Variants in MAGI2 observed in about 807,000 individuals in gnomAD.
The protein encoded by MAGI2 is membrane-associated guanylate kinase, WW and PDZ domain-containing protein 2.
In MAGI2, 35 loss-of-function variants were observed where a neutral mutation model predicts 133.3. The observed-to-expected ratio is 0.26, with a 90% CI of 0.20 to 0.35. The LOEUF is 0.35. Ranked by LOEUF, MAGI2 falls within the 10% of genes least tolerant of loss-of-function variation. MAGI2 has a pLI of 1.00. For missense variants in MAGI2, 1,636 were observed against 1,863.4 expected, an observed-to-expected ratio of 0.88 and a Z score of 2.25; for synonymous variants, 729 against 710.6, an observed-to-expected ratio of 1.03 and a Z score of -0.41.
At chr7:78,323,615 T>G (rs1015436609) in intron 9 of MAGI2, among the ~76,000 whole-genome samples, 2 of 152,206 alleles carry the variant, frequency 1.3e-5, no homozygotes, top group Admixed American at 6.5e-5. Context: ...TAGGTTTAAT[T>G]TTTATGGTCA....
chr7:78,473,912 G>T (rs1320152584), intron 6 of MAGI2, among the ~76,000 whole-genome samples: 2 of 151,936 alleles, frequency 1.3e-5, no homozygotes, highest in African/African-American at 4.8e-5. Context: ...CGACTTCTCT[G>T]GTCAGATACC....
At chr7:79,138,892 C>T (rs565050862) in intron 1 of MAGI2, among the ~76,000 whole-genome samples, 7 of 145,850 alleles carry the variant, frequency 4.8e-5, no homozygotes, top group South Asian at 2.2e-4. Context: ...TGTAGAATGG[C>T]GTGAACCCGG....
At chr7:78,923,056 T>C (rs1172060681) in intron 2 of MAGI2, among the ~76,000 whole-genome samples, 2 of 152,226 alleles carry the variant, frequency 1.3e-5, no homozygotes, top group African/African-American at 2.4e-5. Flanking sequence ...TTTTTTCTTG[T>C]AAATTTGTTT....
intron 6 of MAGI2, among the ~76,000 whole-genome samples, chr7:78,373,923 A>G (rs1470169060): frequency 2.0e-5 from 3 of 152,188 alleles, no homozygotes; most frequent in Non-Finnish European, 4.4e-5. Context: ...TGCAAAGGAC[A>G]TGATTTTGTT....
chr7:79,429,933 T>C (rs978511202), intron 1 of MAGI2, among the ~76,000 whole-genome samples: 2 of 152,034 alleles, frequency 1.3e-5, no homozygotes, highest in Admixed American at 6.6e-5. Context: ...AAAATTCCAG[T>C]CACTTAAAAG....
intron 1 of MAGI2, among the ~76,000 whole-genome samples, chr7:79,037,352 C>T (rs1386294208): frequency 6.6e-6 from 1 of 152,026 alleles, no homozygotes. Context: ...TTCATGACTA[C>T]GTACTAGGAA....
chr7:78,235,446 C>T (rs564033874), intron 10 of MAGI2, among the ~76,000 whole-genome samples: 21 of 152,274 alleles, frequency 1.4e-4, no homozygotes, highest in African/African-American at 3.8e-4. Context: ...CTCCACGTGT[C>T]GTGGGAGGAA....
At chr7:78,021,696 C>G (rs1375048386) in intron 21 of MAGI2, among the ~76,000 whole-genome samples, 1 of 152,172 alleles carries the variant, frequency 6.6e-6, no homozygotes, top group Non-Finnish European at 1.5e-5. Flanking sequence ...TTCTTCCATA[C>G]ACTGATGTCC....
intron 1 of MAGI2, among the ~76,000 whole-genome samples, chr7:79,367,666 G>A (rs2527773): frequency 0.57 from 85,453 of 150,846 alleles, 27,369 homozygotes; most frequent in African/African-American, 0.87. Flanking sequence ...ACAGTACCTG[G>A]CATAAATATA....
In MAGI2 at chr7:78,323,601, T is replaced by C. The variant is rs547851108; in HGVS notation, c.1408+20177A>G. Among the ~76,000 whole-genome samples, 18 of 152,328 alleles carry C rather than the reference T, an allele frequency of 1.2e-4. No individual in the cohort carries two copies. The South Asian group carries it at 2.3e-3, about 19-fold the overall frequency. The stretch of plus-strand genomic sequence containing the variant: ...CCTGCTTCATTACGCTTAGTCTAAC[T>C]AGTTAGGTTTAATTTTTATGGTCAT... On this transcript the variant is annotated intron_variant, in intron 9 of 21. Coordinates refer to ENST00000354212, the MANE Select transcript of MAGI2 (RefSeq NM_012301.4).
intron 9 of MAGI2, among the ~76,000 whole-genome samples, chr7:78,270,972 T>C (rs968655867): frequency 3.3e-5 from 5 of 152,180 alleles, no homozygotes; most frequent in Non-Finnish European, 7.3e-5. Context: ...TCTTGCCTGA[T>C]TGCCCTGGCC....
intron 9 of MAGI2, among the ~76,000 whole-genome samples, chr7:78,318,405 G>A (rs1004470577): frequency 2.6e-5 from 4 of 152,102 alleles, no homozygotes; most frequent in East Asian, 3.9e-4. Context: ...GAAATAAAGC[G>A]AGAAGACAAG....
chr7:79,110,312 G>A (rs1330804328), intron 1 of MAGI2, among the ~76,000 whole-genome samples: 1 of 152,174 alleles, frequency 6.6e-6, no homozygotes, highest in East Asian at 1.9e-4. Context: ...GGGTGGTGGG[G>A]CTGAACCCTA....
chr7:78,362,432 C>T (rs551436275), intron 7 of MAGI2, among the ~76,000 whole-genome samples: 17 of 151,966 alleles, frequency 1.1e-4, no homozygotes, highest in Non-Finnish European at 1.9e-4. Context: ...TACAGAGGGT[C>T]GGGGAGGTAA....
chr7:78,068,098 C>T (rs1344804643), intron 21 of MAGI2, among the ~76,000 whole-genome samples: 1 of 152,186 alleles, frequency 6.6e-6, no homozygotes, highest in African/African-American at 2.4e-5. Context: ...AGAATTTTTC[C>T]ATAGACCAGG....
At chr7:78,315,621 A>G (rs1369315919) in intron 9 of MAGI2, among the ~76,000 whole-genome samples, 1 of 152,204 alleles carries the variant, frequency 6.6e-6, no homozygotes, top group Non-Finnish European at 1.5e-5. Flanking sequence ...TTTAAAGAGT[A>G]TTATCATTCT....
At chr7:79,440,094 C>G (rs1189898043) in intron 1 of MAGI2, among the ~76,000 whole-genome samples, 5 of 152,022 alleles carry the variant, frequency 3.3e-5, no homozygotes, top group African/African-American at 1.2e-4. Context: ...ATTAAGAGTG[C>G]TCTTAGTTCA....
chr7:78,020,844 AT>A (rs892574821), intron 21 of MAGI2, among the ~76,000 whole-genome samples: 1 of 151,880 alleles, frequency 6.6e-6, no homozygotes, highest in Non-Finnish European at 1.5e-5. Flanking sequence ...CCTTAATTCC[AT>A]TTTTTTTCTT....
chr7:78,494,292 A>G (rs1330880200), intron 5 of MAGI2, among the ~76,000 whole-genome samples: 1 of 152,092 alleles, frequency 6.6e-6, no homozygotes, highest in African/African-American at 2.4e-5. Context: ...CTTCACTCAA[A>G]TCTGAATATT....
Sources: gnomAD v4.1 joint callset for allele counts (sites outside exome capture counted in the v4.1 genomes callset) on GRCh38, gnomAD v4.1.1 for gene constraint, MANE v1.5 for transcripts, NCBI Gene and HGNC (gene_info 2026-07-23, HGNC 2026-07-21) for gene names.